Variants in MVK observed in about 807,000 individuals in gnomAD.
MVK encodes mevalonate kinase.
A neutral mutation model predicts 43.2 loss-of-function variants in MVK; 34 were observed. That is an observed-to-expected ratio of 0.79 (90% CI 0.60 to 1.05). The LOEUF is 1.05. MVK is among the 50% of genes least tolerant of loss of function. The pLI is 0.00. For missense variants in MVK, 395 were observed against 504.0 expected, an observed-to-expected ratio of 0.78 and a Z score of 2.07; for synonymous variants, 190 against 219.8, an observed-to-expected ratio of 0.86 and a Z score of 1.20.
rs1441581582 is a variant in MVK at position 109,574,819 on chromosome 12, A to C, written c.-4A>C. The C allele has an allele frequency of 4.4e-6, 7 of 1,598,518 alleles. No homozygotes were observed. The highest frequency in any genetic ancestry group is 6.0e-6 in the Non-Finnish European group (7 of 1,171,796). The stretch of plus-strand genomic sequence containing the variant: ...GGCTTTCCCTTTTAGGATTCCCAGG[A>C]GCCATGTTGTCAGAAGTCCTACTGG... On this transcript the variant is annotated 5_prime_UTR_variant, in exon 2 of 11. Transcript: ENST00000228510.
chr12:109,585,872 G>T, intron 5 of MVK, 150 bp from the exon 6 acceptor site: 3 of 704,464 alleles, frequency 4.3e-6, no homozygotes, highest in Non-Finnish European at 7.7e-6. Context: ...GGCACGCTCC[G>T]TAGCTGGAGA....
At chr12:109,575,373 A>T (rs1358228001) in intron 2 of MVK, among the ~76,000 whole-genome samples, 1 of 151,774 alleles carries the variant, frequency 6.6e-6, no homozygotes, top group African/African-American at 2.4e-5. Context: ...ACCTTGGTAG[A>T]GCTTGGTGTG....
intron 5 of MVK, among the ~76,000 whole-genome samples, chr12:109,583,802 G>T (rs1401547125): frequency 6.6e-6 from 1 of 152,186 alleles, no homozygotes; most frequent in Non-Finnish European, 1.5e-5. Flanking sequence ...GCAGTGTCAT[G>T]GATTTGTTTG....
chr12:109,577,549 G>A (rs1885011854), intron 3 of MVK, among the ~76,000 whole-genome samples: 1 of 152,108 alleles, frequency 6.6e-6, no homozygotes, highest in South Asian at 2.1e-4. Context: ...GGCTCAAGCA[G>A]TTTTCCACTT....
intron 9 of MVK, among the ~76,000 whole-genome samples, chr12:109,593,478 G>A (rs1885772190): frequency 6.9e-6 from 1 of 144,112 alleles, no homozygotes; most frequent in East Asian, 1.9e-4. Context: ...ATGCCAGGGG[G>A]TGCTCTCAGA....
intron 9 of MVK, 68 bp from the exon 10 acceptor site, chr12:109,594,960 T>C: frequency 3.7e-6 from 6 of 1,601,290 alleles, no homozygotes; most frequent in Non-Finnish European, 5.1e-6. Flanking sequence ...CGAGGCAGGC[T>C]CAGGGGTGGG....
Position 109,581,412 on chromosome 12 carries a change from A to G in MVK, c.389A>G (p.Asp130Gly), listed in dbSNP as rs777238601. The change falls in exon 5 of 11, where the codon GAT (aspartate) becomes GGT (glycine). Residue 130 changes from aspartate (D) to glycine (G), a missense_variant. Asp to Gly is a moderately conservative substitution (Grantham distance 94, BLOSUM62 -1). Transcript: ENST00000228510. Reference sequence around the variant, plus strand: ...TGTTTCAGGGCCCTGCCGAGCCTGGATATCGTAGTGTGGTCGGAGCTGCCC... The same window carrying G: ...TGTTTCAGGGCCCTGCCGAGCCTGGGTATCGTAGTGTGGTCGGAGCTGCCC... ...CRKQRALPSL[D>G]IVVWSELPPG... 7 of 1,613,840 alleles carry G rather than the reference A, an allele frequency of 4.3e-6. No individual in the cohort carries two copies. The highest frequency in any genetic ancestry group is 5.1e-6 in the Non-Finnish European group (6 of 1,179,996).
chr12:109,573,456 G>A (rs745645666), upstream of MVK: 30 of 1,606,674 alleles, frequency 1.9e-5, no homozygotes, highest in Non-Finnish European at 2.3e-5. Flanking sequence ...AGGCCAAGAC[G>A]GCTCCCCAGG....
chr12:109,575,004 C>A, intron 2 of MVK, 104 bp downstream of exon 2: 1 of 1,137,180 alleles, frequency 8.8e-7, no homozygotes, highest in Non-Finnish European at 1.3e-6. Flanking sequence ...GGGAGCAGAT[C>A]AGAGAGATCA....
chr12:109,584,612 C>T (rs1885358563), intron 5 of MVK, among the ~76,000 whole-genome samples: 1 of 152,130 alleles, frequency 6.6e-6, no homozygotes, highest in African/African-American at 2.4e-5. Flanking sequence ...TGGCTGGGCA[C>T]GGTGGCTCAC....
Position 109,576,091 on chromosome 12 carries a change from A to G in MVK, c.172A>G (p.Ile58Val). ...KVDLSLPNIG[I>V]KRAWDVARLQ... is the part of the protein sequence containing the mutation. ...GGACCTCAGCTTACCCAACATTGGT[A>G]TCAAGCGGGCCTGGGATGTGGCCAG... Residue 58 changes from isoleucine (I) to valine (V), a missense_variant, in exon 3 of 11, where the codon ATC becomes GTC. Transcript: ENST00000228510. 5 of 1,614,186 alleles carry G rather than the reference A, an allele frequency of 3.1e-6. No individual in the cohort carries two copies. In the East Asian group the frequency reaches 6.7e-5, roughly 22 times the overall value.
intron 3 of MVK, 61 bp downstream of exon 3, chr12:109,576,206 G>T (rs1884946776): frequency 6.2e-7 from 1 of 1,607,754 alleles, no homozygotes; most frequent in African/African-American, 1.3e-5. Flanking sequence ...AGCTGGCCAG[G>T]TATTCTGGGC....
chr12:109,582,019 G>GA (rs1885239550), intron 5 of MVK, among the ~76,000 whole-genome samples: 1 of 152,214 alleles, frequency 6.6e-6, no homozygotes, highest in Non-Finnish European at 1.5e-5. Flanking sequence ...ATCCACATTA[G>GA]GGGGTGTGCC....
Position 109,586,141 on chromosome 12 carries a change from G to A in MVK, c.631+16G>A. On this transcript the variant is annotated intron_variant, in intron 6 of 10. Transcript: ENST00000228510. ...AGCACCTGGGGTAGGTGTGGCCTCA[G>A]GTTTATTTTATTGTTGTTATTTTAA... is the stretch of plus-strand genomic sequence containing the variant. The A allele has an allele frequency of 1.3e-6, 2 of 1,588,888 alleles. No individual in the cohort carries two copies. Among genetic ancestry groups the A allele is most frequent in the Non-Finnish European group, 1.7e-6 (2 of 1,157,510 alleles).
At position 109,596,661 on chromosome 12, in the gene MVK, G is replaced by A; in HGVS notation, c.*84G>A. On this transcript the variant is annotated 3_prime_UTR_variant, in exon 11 of 11. Coordinates refer to ENST00000228510, the MANE Select transcript of MVK (RefSeq NM_000431.4). ...CTGCAGTTCGACTCTGTGCTGGCCA[G>A]CGAGCGCCCAGCTCCTGACACTGCT... 6.4e-7 allele frequency: 1 copy of A among 1,551,744 alleles called. No homozygotes were observed.
chr12:109,586,911 A>C (rs1885459770), intron 7 of MVK, 112 bp downstream of exon 7: 1 of 1,325,120 alleles, frequency 7.5e-7, no homozygotes, highest in African/African-American at 1.4e-5. Flanking sequence ...CTGGCTCTTC[A>C]TCCCCCAATG....
In MVK at chr12:109,590,855, G is replaced by A. The variant is rs759383245; in HGVS notation, c.762G>A (p.Leu254=). 4 of 1,614,160 alleles carry A rather than the reference G, an allele frequency of 2.5e-6. No homozygotes were observed. Among genetic ancestry groups the A allele is most frequent in the Non-Finnish European group, 3.4e-6 (4 of 1,179,998 alleles). ...RALVAGVRNR[L]LKFPEIVAPL... ...TTGTGGCTGGCGTCAGAAACAGGCT[G>A]CTCAAGGTGACTCTTGTTCCCTTCT... Residue 254 remains leucine, a synonymous_variant, in exon 8 of 11, where the codon CTG becomes CTA. Transcript: ENST00000228510.
intron 5 of MVK, 105 bp from the exon 6 acceptor site, chr12:109,585,917 G>A (rs1160503731): frequency 2.3e-6 from 2 of 869,424 alleles, no homozygotes; most frequent in Admixed American, 3.7e-5. Context: ...TGAGCTCAAG[G>A]GCCCAAGCTC....
At chr12:109,576,182 C>G in intron 3 of MVK, 37 bp downstream of exon 3, 1 of 1,613,450 alleles carries the variant, frequency 6.2e-7, no homozygotes, top group Non-Finnish European at 8.5e-7. Flanking sequence ...GTGCTAAGAG[C>G]CTACAGAGAG....
Sources: allele counts gnomAD v4.1 joint callset (sites outside exome capture counted in the v4.1 genomes callset), GRCh38; gene constraint gnomAD v4.1.1; transcripts MANE v1.5; gene names NCBI Gene and HGNC (gene_info 2026-07-23, HGNC 2026-07-21).